Variants in TPH2 observed in about 807,000 individuals in gnomAD.
TPH2 encodes tryptophan hydroxylase 2.
TPH2 carries 27 observed loss-of-function variants against 59.1 expected under a neutral mutation model. That is an observed-to-expected ratio of 0.46 (90% CI 0.34 to 0.63). TPH2 has a LOEUF of 0.63. Ranked by LOEUF, TPH2 falls within the 30% of genes least tolerant of loss-of-function variation. The pLI is 0.01. For synonymous variants in TPH2, 220 were observed against 210.5 expected (o/e 1.05, Z -0.39); for missense variants, 523 against 588.3 (o/e 0.89, Z 1.15).
rs776929541 is a variant in TPH2, at chr12:71,938,939, C to T, written c.-48C>T. The T allele has an allele frequency of 2.7e-6, 4 of 1,491,138 alleles. No individual in the cohort carries two copies. The Admixed American group carries it at 5.0e-5, about 19-fold the overall frequency. 92.4% of individuals were successfully genotyped at this position (1,491,138 alleles called of 1,614,324 possible). ...TCAATCTCCGCCAGCGCTGCTACTG[C>T]CCCTCTAGTACCCCCTGCTGCAGAG... On this transcript the variant is annotated 5_prime_UTR_variant, in exon 1 of 11. Transcript: ENST00000333850.
chr12:72,025,180 A>C (rs1271386563), intron 9 of TPH2, among the ~76,000 whole-genome samples: 2 of 152,178 alleles, frequency 1.3e-5, no homozygotes, highest in African/African-American at 4.8e-5. Flanking sequence ...ATTCCTGTGT[A>C]AACAAGCTTA....
At chr12:71,949,678 C>A in intron 5 of TPH2, 23 bp downstream of exon 5, 1 of 1,588,812 alleles carries the variant, frequency 6.3e-7, no homozygotes, top group South Asian at 1.1e-5. Flanking sequence ...ATAACTCTTT[C>A]TTGTCACTGG....
intron 7 of TPH2, among the ~76,000 whole-genome samples, chr12:71,979,415 G>A (rs1872210022): frequency 6.6e-6 from 1 of 152,152 alleles, no homozygotes; most frequent in East Asian, 1.9e-4. Flanking sequence ...GAACATGTGA[G>A]GCTCTCTCAT....
In TPH2 at chr12:71,944,818, A is replaced by C. The variant is rs1413486252; in HGVS notation, c.540+132A>C. 9.0e-6 allele frequency: 8 copies of C among 887,984 alleles called. No homozygotes were observed. In the Admixed American group the frequency reaches 1.6e-4, roughly 17 times the overall value. The allele number at this position is 887,984 out of a possible 1,614,324, so 55.0% of individuals were successfully genotyped here. On this transcript the variant is annotated intron_variant, in intron 4 of 10. Coordinates refer to ENST00000333850, the MANE Select transcript of TPH2 (RefSeq NM_173353.4). The stretch of plus-strand genomic sequence containing the variant: ...TTATTTATTCCCCATAACTGAGAGC[A>C]GACTTCCAAATGATAAAGCTTCCCT...
At chr12:72,021,385 G>A (rs1008234155) in intron 8 of TPH2, among the ~76,000 whole-genome samples, 2 of 150,224 alleles carry the variant, frequency 1.3e-5, no homozygotes, top group Non-Finnish European at 3.0e-5. Flanking sequence ...GTGTGTGTGT[G>A]TGTGTGTGTG....
chr12:72,004,210 A>G (rs1403143585), intron 8 of TPH2, among the ~76,000 whole-genome samples: 3 of 150,524 alleles, frequency 2.0e-5, no homozygotes, highest in Admixed American at 6.7e-5. Context: ...TAGATTTGTT[A>G]CTTCCTAAAC....
At chr12:71,969,643 G>A (rs962037907) in intron 5 of TPH2, among the ~76,000 whole-genome samples, 2 of 152,122 alleles carry the variant, frequency 1.3e-5, no homozygotes, top group African/African-American at 4.8e-5. Context: ...ACATATAATT[G>A]TATATGAGAT....
chr12:72,025,287 ATCT>A (rs1322947408), intron 9 of TPH2, among the ~76,000 whole-genome samples: 1 of 152,154 alleles, frequency 6.6e-6, no homozygotes, highest in Non-Finnish European at 1.5e-5. Flanking sequence ...TTTTGGGGTC[ATCT>A]TTACAACTTT....
At chr12:71,988,541 A>C (rs150537940) in intron 7 of TPH2, among the ~76,000 whole-genome samples, 22 of 152,336 alleles carry the variant, frequency 1.4e-4, no homozygotes, top group Non-Finnish European at 2.8e-4. Context: ...TTAAACGACC[A>C]GATCTCGGGA....
At chr12:71,939,647 A>G (rs1489094373) in intron 1 of TPH2, among the ~76,000 whole-genome samples, 5 of 152,192 alleles carry the variant, frequency 3.3e-5, no homozygotes, top group East Asian at 3.8e-4. Flanking sequence ...TGTGTTTCAC[A>G]TTGCTCAATT....
intron 6 of TPH2, among the ~76,000 whole-genome samples, chr12:71,976,076 G>T (rs1350414505): frequency 1.3e-5 from 2 of 152,188 alleles, no homozygotes; most frequent in Non-Finnish European, 2.9e-5. Context: ...GAATGTCAGG[G>T]CTTGAGTCCC....
chr12:72,017,039 TTTAA>T (rs1873273516), intron 8 of TPH2, among the ~76,000 whole-genome samples: 1 of 152,202 alleles, frequency 6.6e-6, no homozygotes, highest in Non-Finnish European at 1.5e-5. Flanking sequence ...CATACATCTC[TTTAA>T]TTGTGACCTT....
intron 8 of TPH2, among the ~76,000 whole-genome samples, chr12:71,999,214 G>C (rs1592405140): frequency 6.6e-6 from 1 of 152,200 alleles, no homozygotes; most frequent in South Asian, 2.1e-4. Flanking sequence ...TATTTATTTT[G>C]ACATTTTAAT....
At chr12:72,010,747 CA>C (rs1375059108) in intron 8 of TPH2, among the ~76,000 whole-genome samples, 3 of 152,096 alleles carry the variant, frequency 2.0e-5, no homozygotes, top group Admixed American at 6.6e-5. Flanking sequence ...GGTGACTACC[CA>C]CAGCTCATGT....
chr12:71,990,512 T>TA (rs1566146001), intron 7 of TPH2, among the ~76,000 whole-genome samples: 1 of 152,160 alleles, frequency 6.6e-6, no homozygotes, highest in East Asian at 1.9e-4. Context: ...GCAGAGAATC[T>TA]AAAAAAATGT....
chr12:72,022,509 A>G lies in TPH2; in HGVS notation c.1164+15A>G, dbSNP rs1012186515. On this transcript the variant is annotated intron_variant, in intron 9 of 10. Coordinates refer to ENST00000333850, the MANE Select transcript of TPH2 (RefSeq NM_173353.4). ...GAGAATTAAAGGTATGAAGCTGTGA[A>G]TGAAAATACCCTTCCCATGCAAACT... 9.6e-6 allele frequency: 15 copies of G among 1,566,896 alleles called. 1 individual carries two copies. The Middle Eastern group carries it at 5.0e-4, about 52-fold the overall frequency.
intron 7 of TPH2, among the ~76,000 whole-genome samples, chr12:71,986,626 C>G (rs1255349227): frequency 1.9e-5 from 2 of 106,692 alleles, no homozygotes; most frequent in Non-Finnish European, 3.7e-5. Context: ...CTTCAGCCAC[C>G]CTTCTTTTTT....
chr12:71,951,690 G>A (rs1443471732), intron 5 of TPH2, among the ~76,000 whole-genome samples: 1 of 140,548 alleles, frequency 7.1e-6, no homozygotes, highest in Non-Finnish European at 1.5e-5. Context: ...TTTTATGTAT[G>A]TGTGTGTGTG....
intron 8 of TPH2, among the ~76,000 whole-genome samples, chr12:72,007,991 A>C (rs918835386): frequency 1.3e-5 from 2 of 152,156 alleles, no homozygotes; most frequent in African/African-American, 2.4e-5. Flanking sequence ...AGCAACTACT[A>C]TGTGTCAGGA....
Sources: allele counts gnomAD v4.1 joint callset (sites outside exome capture counted in the v4.1 genomes callset), GRCh38; gene constraint gnomAD v4.1.1; transcripts MANE v1.5; gene names NCBI Gene and HGNC (gene_info 2026-07-23, HGNC 2026-07-21).